ZFPM2: variants seen among roughly 807,000 people sequenced by gnomAD.
ZFPM2 encodes zinc finger protein, FOG family member 2.
A neutral mutation model predicts 98.6 loss-of-function variants in ZFPM2; 20 were observed. The ratio of observed to expected loss-of-function variants is 0.20; its 90% confidence interval spans 0.14 to 0.29. The LOEUF is 0.29. ZFPM2 is among the 10% of genes least tolerant of loss of function. ZFPM2 has a pLI of 1.00. For missense variants in ZFPM2, 1,310 were observed against 1,388.6 expected (o/e 0.94, Z 0.90); for synonymous variants, 518 against 502.7 (o/e 1.03, Z -0.41).
At chr8:105,400,742 C>G (rs1474294824) in intron 1 of ZFPM2, among the ~76,000 whole-genome samples, 1 of 151,896 alleles carries the variant, frequency 6.6e-6, no homozygotes, top group African/African-American at 2.4e-5. Flanking sequence ...GAGGTGCACT[C>G]TAATAGGGTA....
chr8:105,702,832 G>A (rs759692279), intron 5 of ZFPM2, among the ~76,000 whole-genome samples: 22 of 152,182 alleles, frequency 1.4e-4, no homozygotes, highest in African/African-American at 4.1e-4. Flanking sequence ...GAAAGTGAAG[G>A]CACTGCCTTG....
At chr8:105,543,234 C>T (rs1330099326) in intron 3 of ZFPM2, among the ~76,000 whole-genome samples, 1 of 152,088 alleles carries the variant, frequency 6.6e-6, no homozygotes, top group Non-Finnish European at 1.5e-5. Context: ...TCCTGTAATC[C>T]CAGCATTTTG....
chr8:105,777,555 G>A (rs1270737456), intron 5 of ZFPM2, among the ~76,000 whole-genome samples: 18 of 152,162 alleles, frequency 1.2e-4, no homozygotes. Context: ...AGGAGTGCCA[G>A]CATGGGAAAG....
rs1251498191 is a variant in ZFPM2, at chr8:105,789,692, G to C, written c.739+768G>C. Among the ~76,000 whole-genome samples, 4 of 152,130 alleles carry C rather than the reference G, an allele frequency of 2.6e-5. No homozygotes were observed. In the East Asian group the frequency reaches 7.7e-4, roughly 29 times the overall value. On this transcript the variant is annotated intron_variant, in intron 6 of 7. Coordinates refer to ENST00000407775, the MANE Select transcript of ZFPM2 (RefSeq NM_012082.4). ...TCCACAATGGTTGAACTAGTTTACA[G>C]TCCCCCCAACAGTGTAAAAGTGTTC...
chr8:105,582,130 A>G (rs1292374474), intron 4 of ZFPM2, among the ~76,000 whole-genome samples: 1 of 152,216 alleles, frequency 6.6e-6, no homozygotes, highest in East Asian at 1.9e-4. Flanking sequence ...CTTTATGCTC[A>G]AAAGCACAGA....
At chr8:105,368,883 G>A (rs75850196) in intron 1 of ZFPM2, among the ~76,000 whole-genome samples, 2,245 of 152,224 alleles carry the variant, frequency 0.015, 38 homozygotes, top group African/African-American at 0.044. Context: ...TGTCATCTTT[G>A]CTTAGCTTGA....
At chr8:105,740,542 T>A (rs1201459488) in intron 5 of ZFPM2, among the ~76,000 whole-genome samples, 5 of 145,346 alleles carry the variant, frequency 3.4e-5, no homozygotes, top group East Asian at 4.0e-4. Context: ...TATATATATA[T>A]TATATATATA....
chr8:105,636,753 T>G (rs1040756262), intron 5 of ZFPM2, among the ~76,000 whole-genome samples: 64 of 152,192 alleles, frequency 4.2e-4, no homozygotes, highest in African/African-American at 1.5e-3. Flanking sequence ...ACTGTGATGA[T>G]GAACTGTATG....
intron 3 of ZFPM2, among the ~76,000 whole-genome samples, chr8:105,507,465 C>A (rs1813727106): frequency 6.6e-6 from 1 of 152,170 alleles, no homozygotes. Context: ...ATGGGCAAGT[C>A]ACTTAATCCA....
In ZFPM2 at chr8:105,788,752, C is replaced by T; in HGVS notation, c.567C>T (p.Ile189=). ...GQLWCTTTKA[I]SEGEELIAFV... is the part of the protein sequence containing the mutation. ...TTTGGTGTACAACTACGAAGGCCATCTCTGAGGGTGAAGAGCTAATTGCCT... is the reference window on the plus strand; with the variant it reads ...TTTGGTGTACAACTACGAAGGCCATTTCTGAGGGTGAAGAGCTAATTGCCT... The change falls in exon 6 of 8, where the codon ATC becomes ATT. Residue 189 remains isoleucine, a synonymous_variant. Coordinates refer to ENST00000407775, the MANE Select transcript of ZFPM2 (RefSeq NM_012082.4). 1 of 1,614,018 alleles carries T rather than the reference C, an allele frequency of 6.2e-7. No individual in the cohort carries two copies. Among genetic ancestry groups the T allele is most frequent in the Non-Finnish European group, 8.5e-7 (1 of 1,179,876 alleles).
intron 4 of ZFPM2, among the ~76,000 whole-genome samples, chr8:105,563,540 T>C (rs1815183361): frequency 6.6e-6 from 1 of 152,166 alleles, no homozygotes; most frequent in Non-Finnish European, 1.5e-5. Context: ...TCAAAAGAGA[T>C]TTGTGATGTA....
Position 105,351,738 on chromosome 8 carries a change from T to C in ZFPM2, c.40+32757T>C, listed in dbSNP as rs1217311425. Reference sequence around the variant, plus strand: ...GCTATTCATAGGGAAGAAATAATTCTTTATTCTCTGAACCAAATATATGTT... The same window carrying C: ...GCTATTCATAGGGAAGAAATAATTCCTTATTCTCTGAACCAAATATATGTT... On this transcript the variant is annotated intron_variant, in intron 1 of 7. Coordinates refer to ENST00000407775, the MANE Select transcript of ZFPM2 (RefSeq NM_012082.4). 2.0e-5 allele frequency among the ~76,000 whole-genome samples: 3 copies of C among 152,206 alleles called. No individual in the cohort carries two copies. The East Asian group carries it at 5.8e-4, about 29-fold the overall frequency.
chr8:105,759,975 T>C (rs1812698780), intron 5 of ZFPM2, among the ~76,000 whole-genome samples: 1 of 152,046 alleles, frequency 6.6e-6, no homozygotes, highest in African/African-American at 2.4e-5. Context: ...CTCTAGAAGG[T>C]AAGACAGTAG....
intron 5 of ZFPM2, among the ~76,000 whole-genome samples, chr8:105,738,650 A>T (rs1306127091): frequency 6.6e-6 from 1 of 152,112 alleles, no homozygotes; most frequent in Middle Eastern, 3.4e-3. Flanking sequence ...AGTGTATAGC[A>T]TTCCTTTTCT....
chr8:105,713,660 G>A (rs1229611482), intron 5 of ZFPM2, among the ~76,000 whole-genome samples: 6 of 151,886 alleles, frequency 4.0e-5, no homozygotes, highest in African/African-American at 1.4e-4. Context: ...TGAGAGGTAG[G>A]CATCCAGGCT....
chr8:105,424,537 A>G (rs531165623), intron 2 of ZFPM2, among the ~76,000 whole-genome samples: 2 of 152,342 alleles, frequency 1.3e-5, no homozygotes, highest in East Asian at 3.9e-4. Context: ...AAGAGTCCAC[A>G]TAGTGTGCAG....
intron 2 of ZFPM2, among the ~76,000 whole-genome samples, chr8:105,435,616 A>G (rs754932185): frequency 3.9e-5 from 6 of 152,152 alleles, no homozygotes; most frequent in Non-Finnish European, 7.4e-5. Context: ...AATTTTCCTA[A>G]GCTACTCTAG....
At chr8:105,452,594 A>T (rs978213043) in intron 3 of ZFPM2, among the ~76,000 whole-genome samples, 10 of 151,262 alleles carry the variant, frequency 6.6e-5, no homozygotes, top group African/African-American at 1.7e-4. Context: ...ACAAAAAATT[A>T]AAAAAAAATT....
intron 5 of ZFPM2, among the ~76,000 whole-genome samples, chr8:105,683,768 C>A (rs552850475): frequency 6.6e-6 from 1 of 152,286 alleles, no homozygotes; most frequent in African/African-American, 2.4e-5. Flanking sequence ...ATTAGAAACT[C>A]TTTCTCTGAC....
Sources: allele counts gnomAD v4.1 joint callset (sites outside exome capture counted in the v4.1 genomes callset), GRCh38; gene constraint gnomAD v4.1.1; transcripts MANE v1.5; gene names NCBI Gene and HGNC (gene_info 2026-07-23, HGNC 2026-07-21).